REXO1: variants seen among roughly 807,000 people sequenced by gnomAD.
The protein encoded by REXO1 is RNA exonuclease 1 homolog.
REXO1 carries 42 observed loss-of-function variants against 102.6 expected under a neutral mutation model. The ratio of observed to expected loss-of-function variants is 0.41; its 90% confidence interval spans 0.32 to 0.53. The LOEUF is 0.53. Among genes scored for constraint, REXO1 ranks in the 20% least tolerant of loss-of-function variants. The pLI, the probability that REXO1 is intolerant of heterozygous loss-of-function variation, is 0.27. For missense variants in REXO1, 1,819 were observed against 1,732.5 expected (o/e 1.05, Z -0.89); for synonymous variants, 908 against 779.1 (o/e 1.17, Z -2.76).
At chr19:1,818,947 G>C in intron 8 of REXO1, 71 bp downstream of exon 8, 2 of 1,572,328 alleles carry the variant, frequency 1.3e-6, no homozygotes, top group Non-Finnish European at 1.7e-6. Context: ...GAAGCACCGT[G>C]TGGCACAGCA....
intron 1 of REXO1, among the ~76,000 whole-genome samples, chr19:1,837,055 G>T (rs1338989238): frequency 6.6e-6 from 1 of 152,232 alleles, no homozygotes; most frequent in Admixed American, 6.5e-5. Flanking sequence ...TTTGAAGGTG[G>T]AGACAGAAGA....
chr19:1,820,507 G>A, intron 5 of REXO1, 112 bp from the exon 6 acceptor site: 2 of 1,271,918 alleles, frequency 1.6e-6, no homozygotes, highest in Non-Finnish European at 2.2e-6. Context: ...GAGGTGCGCT[G>A]GGACAGATCA....
In REXO1 at chr19:1,826,940, G is replaced by A. The variant is rs777111191; in HGVS notation, c.1849C>T (p.Leu617=). The change falls in exon 2 of 16, where the codon CTG becomes TTG. Residue 617 remains leucine (L), a synonymous_variant. Transcript: ENST00000170168. This position sits in a 1 kb window ranked among gnomAD's most constrained non-coding sequence, Gnocchi z 4.3. ...DFDSDPMEEC[L]RIFNESTSVK... ...CTGGTGGACTCGTTGAAGATCCGCAGGCACTCCTCCATGGGGTCGGAGTCA... is the reference window on the plus strand; with the variant it reads ...CTGGTGGACTCGTTGAAGATCCGCAAGCACTCCTCCATGGGGTCGGAGTCA... 13 of 1,583,362 alleles carry A rather than the reference G, an allele frequency of 8.2e-6. No individual in the cohort carries two copies. The South Asian group carries it at 1.4e-4, about 17-fold the overall frequency.
rs1394590327 is a variant in REXO1, at chr19:1,826,594, C to G, written c.1911+284G>C. ...TGAGGTGGGTGGGTGGGCCAATATCCCCCTGCCAGTCAGTGGGAACAGACC... is the reference window on the plus strand; with the variant it reads ...TGAGGTGGGTGGGTGGGCCAATATCGCCCTGCCAGTCAGTGGGAACAGACC... On this transcript the variant is annotated intron_variant, in intron 2 of 15. Transcript: ENST00000170168. This position sits in a 1 kb window ranked among gnomAD's most constrained non-coding sequence, Gnocchi z 4.3. Among the ~76,000 whole-genome samples the G allele has an allele frequency of 6.6e-6, 1 of 151,876 alleles. No homozygotes were observed. The highest frequency in any genetic ancestry group is 1.5e-5 in the Non-Finnish European group (1 of 67,952).
chr19:1,836,863 C>T (rs1315699813), intron 1 of REXO1, among the ~76,000 whole-genome samples: 1 of 152,190 alleles, frequency 6.6e-6, no homozygotes, highest in Non-Finnish European at 1.5e-5. Flanking sequence ...CCCCTCCAGC[C>T]CAGGCAGTGG....
intron 1 of REXO1, 143 bp from the exon 2 acceptor site, chr19:1,828,774 G>A: frequency 8.6e-7 from 1 of 1,166,574 alleles, no homozygotes; most frequent in Non-Finnish European, 1.2e-6. Context: ...CAAGGCTCTG[G>A]GGTGCCCAGC....
intron 1 of REXO1, among the ~76,000 whole-genome samples, chr19:1,837,333 C>T (rs1388433265): frequency 6.6e-6 from 1 of 152,196 alleles, no homozygotes; most frequent in Non-Finnish European, 1.5e-5. Context: ...TCCTCCAGCC[C>T]CATCCTTGGA....
chr19:1,835,561 T>TACATACACACAC (rs532457991), intron 1 of REXO1, among the ~76,000 whole-genome samples: 1 of 151,896 alleles, frequency 6.6e-6, no homozygotes, highest in African/African-American at 2.4e-5. Flanking sequence ...CATACATACA[T>TACATACACACAC]ACATACACAC....
At chr19:1,845,906 G>A (rs765123409) in intron 1 of REXO1, among the ~76,000 whole-genome samples, 2 of 152,286 alleles carry the variant, frequency 1.3e-5, no homozygotes, top group Middle Eastern at 3.4e-3. Context: ...GGAGGCTCCA[G>A]CCCTGCCCTG....
chr19:1,835,248 A>G (rs1270372193), intron 1 of REXO1, among the ~76,000 whole-genome samples: 1 of 152,128 alleles, frequency 6.6e-6, no homozygotes, highest in African/African-American at 2.4e-5. Flanking sequence ...GGTCACATCT[A>G]AAGGCCGAGT....
chr19:1,819,037 G>A lies in REXO1; in HGVS notation c.2745C>T (p.Pro915=), dbSNP rs775244500. Residue 915 remains proline (P), a synonymous_variant, in exon 8 of 16, where the codon CCC becomes CCT. Transcript: ENST00000170168. ...TSFSLSRPSS[P]RVEDLKGAAL... ...CCTTACCTTTCAGGTCCTCCACCCG[G>A]GGGCTGCTTGGACGGCTGAGCGAGA... 5 of 1,601,862 alleles carry A rather than the reference G, an allele frequency of 3.1e-6. No individual in the cohort carries two copies. Among genetic ancestry groups the A allele is most frequent in the Non-Finnish European group, 4.3e-6 (5 of 1,173,526 alleles).
At chr19:1,834,630 C>G (rs2069990231) in intron 1 of REXO1, among the ~76,000 whole-genome samples, 1 of 152,180 alleles carries the variant, frequency 6.6e-6, no homozygotes, top group African/African-American at 2.4e-5. Flanking sequence ...ATTGCCCAGG[C>G]TGGTCTCAAA....
intron 1 of REXO1, 130 bp downstream of exon 1, chr19:1,848,072 G>A: frequency 2.3e-6 from 1 of 439,808 alleles, no homozygotes; most frequent in Non-Finnish European, 3.7e-6. Flanking sequence ...GTCCCGACTG[G>A]GAAAACCGTC....
At chr19:1,843,320 C>T (rs990813714) in intron 1 of REXO1, among the ~76,000 whole-genome samples, 26 of 151,428 alleles carry the variant, frequency 1.7e-4, no homozygotes, top group Admixed American at 1.6e-3. Context: ...TTCAACCCCC[C>T]GCCCGGAGGG....
intron 1 of REXO1, 48 bp downstream of exon 1, chr19:1,848,154 C>T (rs1305070374): frequency 3.0e-6 from 3 of 1,009,004 alleles, no homozygotes; most frequent in South Asian, 5.0e-5. Context: ...GGGGTCCAGA[C>T]CCGGGCAGGG....
intron 1 of REXO1, among the ~76,000 whole-genome samples, chr19:1,833,316 G>T (rs2069955360): frequency 6.6e-6 from 1 of 152,218 alleles, no homozygotes; most frequent in African/African-American, 2.4e-5. Context: ...CTGTGTGGAG[G>T]GCCACGAGGT....
intron 3 of REXO1, 153 bp from the exon 4 acceptor site, chr19:1,823,938 A>T (rs1040246119): frequency 1.5e-5 from 6 of 397,686 alleles, no homozygotes; most frequent in African/African-American, 1.0e-4. Flanking sequence ...ACTGGGGGGA[A>T]GCAGCAGGGG....
At chr19:1,820,117 G>A (rs76914699) in intron 6 of REXO1, 60 bp from the exon 7 acceptor site, 40,524 of 1,574,700 alleles carry the variant, frequency 0.026, 848 homozygotes, top group East Asian at 0.085. Context: ...GAGCCCCAGC[G>A]GTGGGGTCGC....
At chr19:1,847,134 T>C (rs1316304499) in intron 1 of REXO1, among the ~76,000 whole-genome samples, 2 of 152,098 alleles carry the variant, frequency 1.3e-5, no homozygotes, top group Non-Finnish European at 2.9e-5. Context: ...CGCTGGGCTG[T>C]GGGGAGCTGA....
Sources: gnomAD v4.1 joint callset for allele counts (sites outside exome capture counted in the v4.1 genomes callset) on GRCh38, gnomAD v4.1.1 for gene constraint, Gnocchi (gnomAD v3.1) non-coding constraint, MANE v1.5 for transcripts, NCBI Gene and HGNC (gene_info 2026-07-23, HGNC 2026-07-21) for gene names.